VCL: variants seen among roughly 807,000 people sequenced by gnomAD.
The protein encoded by VCL is epididymis luminal protein 114.
A neutral mutation model predicts 125.7 loss-of-function variants in VCL; 47 were observed. That is an observed-to-expected ratio of 0.37 (90% CI 0.30 to 0.48). The LOEUF (loss-of-function observed/expected upper bound fraction) is 0.48, where lower values mean the gene tolerates loss of function less well. VCL is among the 20% of genes least tolerant of loss of function. The pLI, the probability that VCL is intolerant of heterozygous loss-of-function variation, is 0.99. For synonymous variants in VCL, 458 were observed against 514.6 expected, an observed-to-expected ratio of 0.89 and a Z score of 1.49; for missense variants, 1,069 against 1,455.5, an observed-to-expected ratio of 0.73 and a Z score of 4.32.
chr10:74,114,058 C>A, intron 19 of VCL, 126 bp from the exon 20 acceptor site: 3 of 1,120,288 alleles, frequency 2.7e-6, no homozygotes, highest in Non-Finnish European at 3.9e-6. Context: ...CCCTTTTCTC[C>A]TCTTCTCACC....
At chr10:73,998,893 C>A (rs905584334) in intron 1 of VCL, among the ~76,000 whole-genome samples, 5 of 152,184 alleles carry the variant, frequency 3.3e-5, no homozygotes, top group African/African-American at 9.7e-5. Context: ...TCTAATACTT[C>A]TGCCCCTCAC....
intron 1 of VCL, among the ~76,000 whole-genome samples, chr10:74,038,828 TA>T (rs1229168360): frequency 6.6e-6 from 1 of 152,246 alleles, no homozygotes; most frequent in Non-Finnish European, 1.5e-5. Flanking sequence ...CTTTGGATAA[TA>T]ACTGTTTGCC....
At chr10:74,098,108 C>A (rs1409471954) in intron 13 of VCL, among the ~76,000 whole-genome samples, 1 of 152,192 alleles carries the variant, frequency 6.6e-6, no homozygotes, top group Admixed American at 6.5e-5. Context: ...TGGTACCACT[C>A]TTCCCCCTCA....
chr10:74,071,056 G>T lies in VCL; in HGVS notation c.472G>T (p.Val158Phe), dbSNP rs371583362. Residue 158 changes from valine (V) to phenylalanine (F), a missense_variant, in exon 4 of 22, where the codon GTC becomes TTC. By Grantham distance (50) the Val-to-Phe change is conservative. Coordinates refer to ENST00000211998, the MANE Select transcript of VCL (RefSeq NM_014000.3). This position sits in a 1 kb window ranked among gnomAD's most constrained non-coding sequence, Gnocchi z 4.1. ...AEVVETMEDL[V>F]TYTKNLGPGM... is the part of the protein sequence containing the mutation. ...GGTGGTGGAGACTATGGAAGATTTG[G>T]TCACTTACACAAAGAATCTTGGGCC... 5.0e-6 allele frequency: 8 copies of T among 1,613,976 alleles called. No homozygotes were observed. The highest frequency in any genetic ancestry group is 6.8e-6 in the Non-Finnish European group (8 of 1,179,990).
rs144535751 is a variant in VCL, at chr10:74,004,504, A to G, written c.168+6129A>G. On this transcript the variant is annotated intron_variant, in intron 1 of 21. Transcript: ENST00000211998. ...CATCTACTTAGAGCAAAGTTGTTAA[A>G]TATCAGTGGAGGTTTCCCACCTAGA... is the stretch of plus-strand genomic sequence containing the variant. Among the ~76,000 whole-genome samples the G allele has an allele frequency of 3.9e-4, 59 of 152,274 alleles. No homozygotes were observed. In the East Asian group the frequency reaches 7.9e-3, roughly 20 times the overall value.
chr10:74,050,932 A>ATTTTTTTTTTTT (rs10607921), intron 2 of VCL, among the ~76,000 whole-genome samples: 1 of 77,438 alleles, frequency 1.3e-5, no homozygotes, highest in Non-Finnish European at 2.3e-5. Context: ...GTACTACTGT[A>ATTTTTTTTTTTT]TTTTTTTTTT....
chr10:74,007,687 G>A (rs936525064), intron 1 of VCL, among the ~76,000 whole-genome samples: 2 of 151,728 alleles, frequency 1.3e-5, no homozygotes, highest in Admixed American at 1.3e-4. Context: ...GTAGAGACAG[G>A]GTTTTACCAT....
intron 6 of VCL, chr10:74,076,936 T>A (rs1345091316): frequency 6.5e-6 from 1 of 152,794 alleles, no homozygotes; most frequent in Non-Finnish European, 1.5e-5. Context: ...ATAAATGTTA[T>A]TGAACTTTAT....
At chr10:74,000,933 T>C (rs766246208) in intron 1 of VCL, among the ~76,000 whole-genome samples, 5 of 152,364 alleles carry the variant, frequency 3.3e-5, no homozygotes, top group Admixed American at 6.5e-5. Context: ...GGGAGGATTG[T>C]GCTGATAAAT....
chr10:74,001,048 T>G (rs777785490), intron 1 of VCL, among the ~76,000 whole-genome samples: 86 of 152,222 alleles, frequency 5.6e-4, no homozygotes, highest in Non-Finnish European at 9.4e-4. Context: ...AAATTGGAGA[T>G]GAAGTTAGTG....
chr10:74,057,085 G>A (rs182625497), intron 2 of VCL, among the ~76,000 whole-genome samples: 1 of 152,030 alleles, frequency 6.6e-6, no homozygotes, highest in Admixed American at 6.6e-5. Flanking sequence ...TGGGGCTACA[G>A]GTACATGCCA....
At chr10:74,105,869 G>A (rs1397606161) in intron 16 of VCL, among the ~76,000 whole-genome samples, 2 of 143,422 alleles carry the variant, frequency 1.4e-5, no homozygotes, top group Admixed American at 1.4e-4. Context: ...CGCTTTTTTA[G>A]TGCTGGGATT....
chr10:74,037,003 C>T (rs567307267), intron 1 of VCL, among the ~76,000 whole-genome samples: 5 of 151,978 alleles, frequency 3.3e-5, no homozygotes, highest in South Asian at 2.1e-4. Flanking sequence ...CTCTGCCTCC[C>T]GGGTTCGCGC....
chr10:73,999,754 A>G (rs1296284058), intron 1 of VCL, among the ~76,000 whole-genome samples: 1 of 152,216 alleles, frequency 6.6e-6, no homozygotes, highest in Non-Finnish European at 1.5e-5. Flanking sequence ...ACCACCGACC[A>G]AATTCCTGAT....
intron 21 of VCL, 22 bp downstream of exon 21, chr10:74,114,921 T>C (rs1366054773): frequency 1.5e-5 from 23 of 1,567,654 alleles, no homozygotes; most frequent in Non-Finnish European, 2.0e-5. Flanking sequence ...CTGTTTTTGG[T>C]TTCTGGCTGG....
chr10:74,043,229 T>C (rs942604238), intron 2 of VCL, 76 bp downstream of exon 2: 8 of 1,335,514 alleles, frequency 6.0e-6, no homozygotes, highest in East Asian at 2.3e-5. Context: ...CTGATTTCAG[T>C]AACAACTTTT....
At chr10:74,042,393 G>A (rs1217498225) in intron 1 of VCL, among the ~76,000 whole-genome samples, 3 of 152,092 alleles carry the variant, frequency 2.0e-5, no homozygotes, top group Non-Finnish European at 2.9e-5. Flanking sequence ...ATTCTCATAA[G>A]TGGAATTCCC....
chr10:74,078,817 C>G (rs1264275134), intron 6 of VCL, among the ~76,000 whole-genome samples: 1 of 152,026 alleles, frequency 6.6e-6, no homozygotes, highest in South Asian at 2.1e-4. Flanking sequence ...CATCTTAAAC[C>G]AGAAACATCT....
At chr10:74,105,969 G>A (rs1196507693) in intron 16 of VCL, among the ~76,000 whole-genome samples, 4 of 137,580 alleles carry the variant, frequency 2.9e-5, no homozygotes, top group Non-Finnish European at 4.5e-5. Flanking sequence ...CCAGGCTGGA[G>A]TACAATGGCA....
Sources: allele counts gnomAD v4.1 joint callset (sites outside exome capture counted in the v4.1 genomes callset), GRCh38; gene constraint gnomAD v4.1.1; non-coding constraint Gnocchi (gnomAD v3.1); transcripts MANE v1.5; gene names NCBI Gene and HGNC (gene_info 2026-07-23, HGNC 2026-07-21).